UNC80: variants seen among roughly 807,000 people sequenced by gnomAD.
UNC80 encodes the protein unc-80 subunit of NALCN channel complex.
A neutral mutation model predicts 384.6 loss-of-function variants in UNC80; 164 were observed. That is an observed-to-expected ratio of 0.43 (90% CI 0.38 to 0.49). UNC80 has a LOEUF of 0.49. Ranked by LOEUF, UNC80 falls within the 20% of genes least tolerant of loss-of-function variation. UNC80 has a pLI of 0.00. For synonymous variants in UNC80, 1,486 were observed against 1,527.8 expected, an observed-to-expected ratio of 0.97 and a Z score of 0.64; for missense variants, 3,330 against 4,143.0, an observed-to-expected ratio of 0.80 and a Z score of 5.39.
rs898100234 is a variant in UNC80, at chr2:209,858,291, T to C, written c.3627+8668T>C. 3.9e-5 allele frequency among the ~76,000 whole-genome samples: 6 copies of C among 152,250 alleles called. No homozygotes were observed. In the East Asian group the frequency reaches 1.2e-3, roughly 29 times the overall value. On this transcript the variant is annotated intron_variant, in intron 22 of 64. Transcript: ENST00000673920. ...CTTTCTACCTTAAGATATGTTTTTC[T>C]ACAAGGCTAATAGATAGCTACAACA...
chr2:209,927,955 G>T (rs929030862), intron 36 of UNC80, among the ~76,000 whole-genome samples: 1 of 152,062 alleles, frequency 6.6e-6, no homozygotes, highest in African/African-American at 2.4e-5. Flanking sequence ...CATTCTAGAT[G>T]AATATTAATA....
intron 22 of UNC80, among the ~76,000 whole-genome samples, chr2:209,850,688 A>G (rs186477330): frequency 1.9e-4 from 29 of 152,216 alleles, no homozygotes; most frequent in Admixed American, 1.6e-3. Context: ...TCAGTTTCTC[A>G]TTATTGGGTA....
intron 18 of UNC80, among the ~76,000 whole-genome samples, chr2:209,835,623 G>A (rs2081283554): frequency 1.3e-5 from 2 of 152,184 alleles, no homozygotes; most frequent in African/African-American, 4.8e-5. Context: ...CTAGTTCTAT[G>A]CAAGTTTTAT....
rs1224193620 is a variant in UNC80, at chr2:209,819,252, T to C, written c.1953T>C (p.Leu651=). ...TNNFVHKNGM[L]DLSVVLKAVY... ...ACTTTGTCCACAAGAATGGAATGCT[T>C]GATCTTTCTGTAAGAAGCAAGAATT... The change falls in exon 12 of 65, where the codon CTT becomes CTC. Residue 651 remains leucine, a synonymous_variant. Coordinates refer to ENST00000673920, the MANE Select transcript of UNC80 (RefSeq NM_001371986.1). 6.5e-7 allele frequency: 1 copy of C among 1,545,556 alleles called. No homozygotes were observed. The highest frequency in any genetic ancestry group is 2.0e-5 in the Admixed American group (1 of 50,358).
chr2:209,780,504 G>A (rs542403063), intron 4 of UNC80, among the ~76,000 whole-genome samples: 92 of 152,304 alleles, frequency 6.0e-4, no homozygotes, highest in African/African-American at 2.1e-3. Context: ...ACAATCTCTA[G>A]ATCAGGATTT....
chr2:209,817,700 A>G (rs528874530), intron 10 of UNC80, 112 bp from the exon 11 acceptor site: 1 of 1,325,000 alleles, frequency 7.5e-7, no homozygotes, highest in Non-Finnish European at 1.0e-6. Context: ...TGTGTTTCAC[A>G]CTTTTCCTAA....
At chr2:209,924,250 C>T (rs981441275) in intron 35 of UNC80, among the ~76,000 whole-genome samples, 5 of 152,142 alleles carry the variant, frequency 3.3e-5, no homozygotes, top group Non-Finnish European at 2.9e-5. Context: ...AAATGTCCCC[C>T]TTTCCTCATC....
chr2:209,890,919 C>A (rs572681341), intron 26 of UNC80, among the ~76,000 whole-genome samples: 4 of 152,314 alleles, frequency 2.6e-5, no homozygotes, highest in African/African-American at 9.6e-5. Context: ...CTCCTTTAAA[C>A]TGCCAACTTC....
At chr2:209,941,622 A>C in intron 44 of UNC80, 133 bp downstream of exon 44, 2 of 1,065,502 alleles carry the variant, frequency 1.9e-6, no homozygotes, top group Non-Finnish European at 2.5e-6. Context: ...GAAGGCAACA[A>C]ATGAAATCCC....
At chr2:209,866,413 A>G (rs141674178) in intron 22 of UNC80, among the ~76,000 whole-genome samples, 22 of 151,082 alleles carry the variant, frequency 1.5e-4, no homozygotes, top group Non-Finnish European at 2.8e-4. Flanking sequence ...GTCTGGAGGA[A>G]TTTTCAGTTG....
intron 29 of UNC80, among the ~76,000 whole-genome samples, chr2:209,905,906 G>GA (rs1401698729): frequency 6.6e-6 from 1 of 152,180 alleles, no homozygotes; most frequent in Non-Finnish European, 1.5e-5. Context: ...ACCTGCCCCT[G>GA]AACAGGCGTC....
At chr2:209,946,575 A>G (rs962444676) in intron 47 of UNC80, among the ~76,000 whole-genome samples, 1 of 152,204 alleles carries the variant, frequency 6.6e-6, no homozygotes, top group Non-Finnish European at 1.5e-5. Flanking sequence ...ACAAAATTTC[A>G]TAACAGATAT....
rs2093518870 is a variant in UNC80 at position 209,998,797 on chromosome 2, G to A, written c.*3202G>A. On this transcript the variant is annotated 3_prime_UTR_variant, in exon 65 of 65. Coordinates refer to ENST00000673920, the MANE Select transcript of UNC80 (RefSeq NM_001371986.1). ...CCAGAATTCGCTGCTATCACACCAAGTCATGCTGTTGCCCTGTGACCTCAC... is the reference window on the plus strand; with the variant it reads ...CCAGAATTCGCTGCTATCACACCAAATCATGCTGTTGCCCTGTGACCTCAC... The A allele has an allele frequency of 6.6e-6, 1 of 152,204 alleles. No homozygotes were observed. Among genetic ancestry groups the A allele is most frequent in the South Asian group, 2.1e-4 (1 of 4,832 alleles). The allele number at this position is 152,204 out of a possible 1,614,324, so 9.4% of individuals were successfully genotyped here. A position where few individuals can be genotyped will look rare whatever the true frequency, so the allele number is the denominator to read the frequency against.
At chr2:209,879,627 A>G (rs901461717) in intron 24 of UNC80, among the ~76,000 whole-genome samples, 3 of 152,196 alleles carry the variant, frequency 2.0e-5, no homozygotes, top group African/African-American at 7.2e-5. Context: ...TATTTTTTAA[A>G]AAGTGTTGCA....
chr2:209,997,635 T>G lies in UNC80; in HGVS notation c.*2040T>G, dbSNP rs2093502729. On this transcript the variant is annotated 3_prime_UTR_variant, in exon 65 of 65. Transcript: ENST00000673920. ...CATGATTATGCTGGTCTGTCTGTCT[T>G]TTAGCCTGACTCCTTCACTCTTGTG... The G allele has an allele frequency of 6.6e-6, 1 of 152,194 alleles. No individual in the cohort carries two copies. Among genetic ancestry groups the G allele is most frequent in the Admixed American group, 6.5e-5 (1 of 15,280 alleles). The allele number at this position is 152,194 out of a possible 1,614,324, so 9.4% of individuals were successfully genotyped here.
In UNC80 at chr2:209,782,121, C is replaced by G. The variant is rs575391095; in HGVS notation, c.601-3945C>G. 2.6e-5 allele frequency among the ~76,000 whole-genome samples: 4 copies of G among 152,300 alleles called. No homozygotes were observed. The East Asian group carries it at 7.7e-4, about 29-fold the overall frequency. The stretch of plus-strand genomic sequence containing the variant: ...TTTCTAACTAGATTCAGTCTCCTGG[C>G]TTGTCTCATAAAATCTAACCTCAAC... On this transcript the variant is annotated intron_variant, in intron 4 of 64. Transcript: ENST00000673920.
intron 7 of UNC80, among the ~76,000 whole-genome samples, chr2:209,805,785 C>T (rs888542267): frequency 2.6e-5 from 4 of 152,186 alleles, no homozygotes; most frequent in African/African-American, 4.8e-5. Flanking sequence ...ACAACCTAAT[C>T]TCTGAAATGA....
intron 8 of UNC80, among the ~76,000 whole-genome samples, chr2:209,814,086 A>T (rs1288001547): frequency 6.6e-6 from 1 of 152,158 alleles, no homozygotes; most frequent in African/African-American, 2.4e-5. Flanking sequence ...GTTTATCTGG[A>T]ATAGTGGAAA....
chr2:209,926,753 G>C, intron 35 of UNC80, 90 bp from the exon 36 acceptor site: 9 of 1,474,310 alleles, frequency 6.1e-6, no homozygotes, highest in Non-Finnish European at 8.2e-6. Flanking sequence ...TCCAGCCTGG[G>C]TGACAGAGTG....
Sources: allele counts gnomAD v4.1 joint callset (sites outside exome capture counted in the v4.1 genomes callset), GRCh38; gene constraint gnomAD v4.1.1; transcripts MANE v1.5; gene names NCBI Gene and HGNC (gene_info 2026-07-23, HGNC 2026-07-21).